CSMD1: variants seen among roughly 807,000 people sequenced by gnomAD.
CSMD1 encodes CUB and sushi domain-containing protein 1.
A neutral mutation model predicts 417.5 loss-of-function variants in CSMD1; 213 were observed. That is an observed-to-expected ratio of 0.51 (90% CI 0.46 to 0.57). The LOEUF (loss-of-function observed/expected upper bound fraction) is 0.57. Among genes scored for constraint, CSMD1 ranks in the 20% least tolerant of loss-of-function variants. CSMD1 has a pLI of 0.00. For missense variants in CSMD1, 6,923 were observed against 4,529.7 expected (o/e 1.53, Z -15.17); for synonymous variants, 2,862 against 1,736.8 (o/e 1.65, Z -16.11).
At position 4,994,644 on chromosome 8, in the gene CSMD1, G is replaced by A. The variant is rs1811661006; in HGVS notation, c.-228C>T. ...AGGGCTGAGCTGCTCCGAGCGCGGAGACCCGGGCTGGCGGGGCCGGGGCCG... is the reference window on the plus strand; with the variant it reads ...AGGGCTGAGCTGCTCCGAGCGCGGAAACCCGGGCTGGCGGGGCCGGGGCCG... On this transcript the variant is annotated 5_prime_UTR_variant, in exon 1 of 70. Coordinates refer to ENST00000635120, the MANE Select transcript of CSMD1 (RefSeq NM_033225.6). The A allele has an allele frequency of 2.2e-6, 1 of 453,340 alleles. No homozygotes were observed. The highest frequency in any genetic ancestry group is 3.9e-6 in the Non-Finnish European group (1 of 255,188). 28.1% of individuals were successfully genotyped at this position (453,340 alleles called of 1,614,324 possible).
chr8:4,051,883 C>T (rs200676312), intron 3 of CSMD1, among the ~76,000 whole-genome samples: 7 of 37,440 alleles, frequency 1.9e-4, no homozygotes, highest in Non-Finnish European at 3.3e-4. Context: ...CTCCTTTCTT[C>T]CTTCCTTCCT....
At chr8:3,296,273 G>T (rs889195886) in intron 25 of CSMD1, among the ~76,000 whole-genome samples, 4 of 145,680 alleles carry the variant, frequency 2.7e-5, no homozygotes, top group African/African-American at 7.4e-5. Flanking sequence ...TGAGACGTAA[G>T]AATTCAGCCA....
At chr8:3,453,911 G>C (rs1334075242) in intron 12 of CSMD1, among the ~76,000 whole-genome samples, 2 of 152,128 alleles carry the variant, frequency 1.3e-5, no homozygotes, top group African/African-American at 2.4e-5. Flanking sequence ...TGACAGTAGG[G>C]TGTTAAAGTC....
chr8:4,782,950 CA>C (rs11378248), intron 1 of CSMD1, among the ~76,000 whole-genome samples: 374 of 127,570 alleles, frequency 2.9e-3, no homozygotes, highest in Middle Eastern at 4.1e-3. Flanking sequence ...TAAAGACACT[CA>C]AAAAAAAAAA....
At chr8:4,797,923 T>G (rs968046128) in intron 1 of CSMD1, among the ~76,000 whole-genome samples, 2 of 152,228 alleles carry the variant, frequency 1.3e-5, no homozygotes, top group Non-Finnish European at 2.9e-5. Flanking sequence ...GCATGACAGA[T>G]CTCCATAAAT....
At chr8:3,432,784 G>T (rs891720542) in intron 12 of CSMD1, among the ~76,000 whole-genome samples, 14 of 152,064 alleles carry the variant, frequency 9.2e-5, no homozygotes, top group African/African-American at 3.4e-4. Context: ...AAAGTCCTGG[G>T]ATTACAGGCA....
intron 10 of CSMD1, among the ~76,000 whole-genome samples, chr8:3,551,595 TA>T (rs55937931): frequency 0.091 from 9,410 of 103,708 alleles, 373 homozygotes; most frequent in East Asian, 0.19. Flanking sequence ...TATATATATA[TA>T]TTTTTTTTTT....
At chr8:3,486,928 G>T (rs1034410859) in intron 11 of CSMD1, among the ~76,000 whole-genome samples, 2 of 152,140 alleles carry the variant, frequency 1.3e-5, no homozygotes, top group African/African-American at 2.4e-5. Flanking sequence ...GAACTGTCCA[G>T]TACTAATGAC....
chr8:3,741,360 G>C (rs986908374), intron 6 of CSMD1, among the ~76,000 whole-genome samples: 1 of 152,126 alleles, frequency 6.6e-6, no homozygotes, highest in African/African-American at 2.4e-5. Flanking sequence ...AGTGAGAGGG[G>C]AGACCGAAGG....
At chr8:4,716,673 C>G (rs1022890128) in intron 1 of CSMD1, among the ~76,000 whole-genome samples, 1 of 152,092 alleles carries the variant, frequency 6.6e-6, no homozygotes, top group Non-Finnish European at 1.5e-5. Flanking sequence ...TATTTAAATT[C>G]TAAATATATC....
chr8:4,493,422 C>G (rs192211085), intron 2 of CSMD1, among the ~76,000 whole-genome samples: 2 of 152,034 alleles, frequency 1.3e-5, no homozygotes, highest in Non-Finnish European at 2.9e-5. Flanking sequence ...ATGGTCGGGA[C>G]TGGTGGTTCA....
intron 7 of CSMD1, among the ~76,000 whole-genome samples, chr8:3,656,869 G>T (rs1008962547): frequency 6.6e-6 from 1 of 151,426 alleles, no homozygotes; most frequent in Non-Finnish European, 1.5e-5. Context: ...AGGTGGCAGT[G>T]AGCCAAGATC....
chr8:3,474,327 T>A (rs1425200970), intron 11 of CSMD1, among the ~76,000 whole-genome samples: 1 of 151,932 alleles, frequency 6.6e-6, no homozygotes, highest in Non-Finnish European at 1.5e-5. Context: ...AATAGCAAAG[T>A]GCTCAGGGAG....
chr8:3,641,669 CT>C (rs1462911767), intron 7 of CSMD1, among the ~76,000 whole-genome samples: 3 of 152,160 alleles, frequency 2.0e-5, no homozygotes, highest in Non-Finnish European at 4.4e-5. Context: ...TCAAATACAG[CT>C]TTTGCCCCAA....
Position 3,408,016 on chromosome 8 carries a change from C to A in CSMD1, c.1954G>T (p.Gly652Cys), listed in dbSNP as rs773431047. 1 of 1,613,766 alleles carries A rather than the reference C, an allele frequency of 6.2e-7. No individual in the cohort carries two copies. Among genetic ancestry groups the A allele is most frequent in the Non-Finnish European group, 8.5e-7 (1 of 1,179,830 alleles). ...GGCACTTCATTGCCAGAAAAAGTAC[C>A]CAGGACAGTTATGTCAGAAATGCCA... ...DDGISDITVL[G>C]TFSGNEVPSQ... Residue 652 changes from glycine to cysteine, a missense_variant, in exon 14 of 70, where the codon GGT (glycine) becomes TGT (cysteine). Transcript: ENST00000635120.
chr8:3,544,904 C>T (rs1328757642), intron 10 of CSMD1, among the ~76,000 whole-genome samples: 1 of 152,118 alleles, frequency 6.6e-6, no homozygotes, highest in Non-Finnish European at 1.5e-5. Flanking sequence ...TGAATTAATA[C>T]CAACTTAATG....
At chr8:4,186,401 T>A (rs887376172) in intron 3 of CSMD1, among the ~76,000 whole-genome samples, 2 of 152,096 alleles carry the variant, frequency 1.3e-5, no homozygotes, top group African/African-American at 4.8e-5. Flanking sequence ...CCCAAGACAG[T>A]CCAGTCCCTG....
At chr8:4,423,660 T>A (rs1797378457) in intron 2 of CSMD1, among the ~76,000 whole-genome samples, 1 of 151,946 alleles carries the variant, frequency 6.6e-6, no homozygotes, top group African/African-American at 2.4e-5. Flanking sequence ...TTACACAATT[T>A]CCACCAAAAT....
intron 1 of CSMD1, among the ~76,000 whole-genome samples, chr8:4,791,391 T>C (rs1428360832): frequency 2.0e-5 from 3 of 152,184 alleles, no homozygotes; most frequent in African/African-American, 7.2e-5. Flanking sequence ...TTCAGCCCTT[T>C]GACTCCCTGA....
Sources: allele counts gnomAD v4.1 joint callset (sites outside exome capture counted in the v4.1 genomes callset), GRCh38; gene constraint gnomAD v4.1.1; transcripts MANE v1.5; gene names NCBI Gene and HGNC (gene_info 2026-07-23, HGNC 2026-07-21).